Variants in ZNF358 observed in about 807,000 individuals in gnomAD.
The protein encoded by ZNF358 is zinc finger protein 358.
ZNF358 carries 1 observed loss-of-function variant against 2.1 expected under a neutral mutation model. That is an observed-to-expected ratio of 0.49 (90% CI 0.17 to 2.30). ZNF358 has a LOEUF of 2.30. ZNF358 is among the 30% of genes most tolerant of loss of function. The pLI is 0.26. For synonymous variants in ZNF358, 381 were observed against 359.7 expected (o/e 1.06, Z -0.67); for missense variants, 665 against 806.8 (o/e 0.82, Z 2.13).
chr19:7,519,193 T>G lies in ZNF358; in HGVS notation c.-38-12T>G. On this transcript the variant is annotated splice_polypyrimidine_tract_variant and intron_variant, in intron 1 of 1. Transcript: ENST00000597229. ...CCCACCTACCCTCTACCCTCTATCC[T>G]TGCCCTTGCAGGTCTTGCCCCAGAA... The G allele has an allele frequency of 2.5e-6, 4 of 1,584,874 alleles. No homozygotes were observed. Among genetic ancestry groups the G allele is most frequent in the Non-Finnish European group, 3.4e-6 (4 of 1,166,938 alleles).
At position 7,520,455 on chromosome 19, in the gene ZNF358, G is replaced by C; in HGVS notation, c.1213G>C (p.Ala405Pro). 1 of 1,498,896 alleles carries C rather than the reference G, an allele frequency of 6.7e-7. No homozygotes were observed. Among genetic ancestry groups the C allele is most frequent in the Non-Finnish European group, 8.9e-7 (1 of 1,123,292 alleles). The allele number at this position is 1,498,896 out of a possible 1,614,324, so 92.8% of individuals were successfully genotyped here. A position where few individuals can be genotyped will look rare whatever the true frequency, so the allele number is the denominator to read the frequency against. ...GCATGAGGGTGCAGCCGCTGCTGCA[G>C]CTGCCGCGGCCGCTGCAGCTGCAGC... ...RVHEGAAAAA[A>P]AAAAAAAAAA... The change falls in exon 2 of 2, where the codon GCT (alanine) becomes CCT (proline). Residue 405 changes from alanine (A) to proline (P), a missense_variant. This residue lies in a region of ZNF358 where 249 missense variants were observed against 227.6 expected (regional missense o/e 1.09). Transcript: ENST00000597229. The surrounding 1 kb of genome is among the most constrained non-coding windows in gnomAD (Gnocchi z 6.0).
chr19:7,514,076 G>A (rs1239710626), upstream of ZNF358: 1 of 152,188 alleles, frequency 6.6e-6, no homozygotes, highest in Non-Finnish European at 1.5e-5. Context: ...GTACATCTTG[G>A]TGCATATTGT....
At position 7,520,324 on chromosome 19, in the gene ZNF358, C is replaced by T; in HGVS notation, c.1082C>T (p.Ala361Val). 1 of 1,611,850 alleles carries T rather than the reference C, an allele frequency of 6.2e-7. No individual in the cohort carries two copies. Among genetic ancestry groups the T allele is most frequent in the South Asian group, 1.1e-5 (1 of 91,050 alleles). ...TCCAAGGCCTTCGGCCAGAGCTCAG[C>T]GCTGCTCCAGCACCTGCACGTGCAT... Reference protein sequence around the residue: ...HCSKAFGQSSALLQHLHVHSG... With the variant: ...HCSKAFGQSSVLLQHLHVHSG... Residue 361 changes from alanine to valine, a missense_variant, in exon 2 of 2, where the codon GCG (alanine) becomes GTG (valine). Ala to Val is a moderately conservative substitution (Grantham distance 64). Transcript: ENST00000597229. This position sits in a 1 kb window ranked among gnomAD's most constrained non-coding sequence, Gnocchi z 6.0.
Position 7,520,957 on chromosome 19 carries a change from G to A in ZNF358, c.*8G>A. On this transcript the variant is annotated 3_prime_UTR_variant, in exon 2 of 2. Transcript: ENST00000597229. The surrounding 1 kb of genome is among the most constrained non-coding windows in gnomAD (Gnocchi z 6.0). Reference sequence around the variant, plus strand: ...CTGGGGCCTGATGGCTGAAGGAGACGCCGGCATCCTCGGGGGCCTGGGGAA... The same window carrying A: ...CTGGGGCCTGATGGCTGAAGGAGACACCGGCATCCTCGGGGGCCTGGGGAA... The A allele has an allele frequency of 1.2e-6, 2 of 1,610,226 alleles. No individual in the cohort carries two copies. Among genetic ancestry groups the A allele is most frequent in the Non-Finnish European group, 1.7e-6 (2 of 1,177,474 alleles).
chr19:7,519,362 T>C lies in ZNF358; in HGVS notation c.120T>C (p.Ser40=). Residue 40 remains serine, a synonymous_variant, in exon 2 of 2, where the codon TCT becomes TCC. Transcript: ENST00000597229. The part of the protein sequence containing the change: ...DPNPEDLDPV[S]EDPEPDPEDL... ...ATCCTGAAGATCTGGACCCGGTTTC[T>C]GAAGACCCAGAGCCTGATCCTGAAG... is the stretch of plus-strand genomic sequence containing the variant. 6.2e-7 allele frequency: 1 copy of C among 1,613,490 alleles called. No homozygotes were observed. The highest frequency in any genetic ancestry group is 1.3e-5 in the African/African-American group (1 of 74,996).
Position 7,520,557 on chromosome 19 carries a change from G to T in ZNF358, c.1315G>T (p.Gly439Cys). ...GAGGCCGGGGCAGGTCTCCCTCCTG[G>T]GTCCTGATGCTGTTTCTGTGCTCGG... ...MMRPGQVSLL[G>C]PDAVSVLGSG... Residue 439 changes from glycine to cysteine, a missense_variant, in exon 2 of 2, where the codon GGT becomes TGT. Around this residue, in one of 3 missense-constraint regions of ZNF358, gnomAD observed 249 missense variants for 227.6 expected, o/e 1.09. Coordinates refer to ENST00000597229, the MANE Select transcript of ZNF358 (RefSeq NM_018083.5). This position sits in a 1 kb window ranked among gnomAD's most constrained non-coding sequence, Gnocchi z 6.0. 1 of 1,271,520 alleles carries T rather than the reference G, an allele frequency of 7.9e-7. No individual in the cohort carries two copies. Among genetic ancestry groups the T allele is most frequent in the South Asian group, 1.3e-5 (1 of 78,570 alleles). The allele number at this position is 1,271,520 out of a possible 1,614,324, so 78.8% of individuals were successfully genotyped here.
intron 1 of ZNF358, among the ~76,000 whole-genome samples, chr19:7,518,603 T>TAGAAAGAAAGAAAGAAAGAAAGAAA (rs2022394724): frequency 2.5e-5 from 1 of 39,554 alleles, no homozygotes. Flanking sequence ...AAGAAAGAAT[T>TAGAAAGAAAGAAAGAAAGAAAGAAA]GAAGTTAGCT....
intron 1 of ZNF358, among the ~76,000 whole-genome samples, chr19:7,518,856 G>A (rs2022399595): frequency 6.6e-6 from 1 of 152,086 alleles, no homozygotes; most frequent in Non-Finnish European, 1.5e-5. Flanking sequence ...CCTGAGGTCA[G>A]GAGTTTGAGA....
chr19:7,515,818 T>C (rs1207221326), upstream of ZNF358, among the ~76,000 whole-genome samples: 1 of 148,822 alleles, frequency 6.7e-6, no homozygotes, highest in Admixed American at 6.7e-5. Context: ...TGAACAGAGA[T>C]AGAGAGATAG....
In ZNF358 at chr19:7,519,737, G is replaced by C. The variant is rs1265926785; in HGVS notation, c.495G>C (p.Gly165=). ...DCGRAFRRSS[G]LSQHRRTHSG... ...GGCGAGCCTTCCGCCGCAGCTCCGGGCTGAGCCAGCATCGCCGCACGCACA... is the reference window on the plus strand; with the variant it reads ...GGCGAGCCTTCCGCCGCAGCTCCGGCCTGAGCCAGCATCGCCGCACGCACA... The change falls in exon 2 of 2, where the codon GGG becomes GGC. Residue 165 remains glycine (G), a synonymous_variant. Coordinates refer to ENST00000597229, the MANE Select transcript of ZNF358 (RefSeq NM_018083.5). 1.3e-6 allele frequency: 2 copies of C among 1,553,390 alleles called. No homozygotes were observed. The highest frequency in any genetic ancestry group is 2.3e-5 in the South Asian group (2 of 86,374).
rs781515814 is a variant in ZNF358, at chr19:7,519,671, C to T, written c.429C>T (p.Ala143=). 6.3e-7 allele frequency: 1 copy of T among 1,575,754 alleles called. No individual in the cohort carries two copies. The highest frequency in any genetic ancestry group is 8.6e-7 in the Non-Finnish European group (1 of 1,168,220). ...CCACCAGCCCCGCGGTGCTCCCCGC[C>T]CCCGCCAGCCCGCCCCGGCCCTTCT... ...VLATSPAVLP[A]PASPPRPFSC... is the part of the protein sequence containing the mutation. Residue 143 remains alanine, a synonymous_variant, in exon 2 of 2, where the codon GCC becomes GCT. Transcript: ENST00000597229.
In ZNF358 at chr19:7,519,898, G is replaced by A. The variant is rs1236334340; in HGVS notation, c.656G>A (p.Arg219His). 6.5e-7 allele frequency: 1 copy of A among 1,528,866 alleles called. No individual in the cohort carries two copies. Among genetic ancestry groups the A allele is most frequent in the Admixed American group, 2.0e-5 (1 of 50,504 alleles). The allele number at this position is 1,528,866 out of a possible 1,614,324, so 94.7% of individuals were successfully genotyped here. A position where few individuals can be genotyped will look rare whatever the true frequency, so the allele number is the denominator to read the frequency against. The change falls in exon 2 of 2, where the codon CGC becomes CAC. Residue 219 changes from arginine (R) to histidine (H), a missense_variant. Arg to His is a conservative substitution (Grantham distance 29, BLOSUM62 0). Coordinates refer to ENST00000597229, the MANE Select transcript of ZNF358 (RefSeq NM_018083.5). ...CAACGKAFGW[R>H]STLLKHRSSH... ...GCCTGCGGCAAGGCCTTCGGCTGGC[G>A]CTCCACGCTGCTGAAACATCGCAGC...
chr19:7,518,557 GAGAAAGAA>G lies in ZNF358; in HGVS notation c.-38-611_-38-604del, dbSNP rs3029872. On this transcript the variant is annotated intron_variant, in intron 1 of 1. Transcript: ENST00000597229. ...AAAGAAAGAAAGAAAGAGAGAGAGA[GAGAAAGAA>G]AGAAAGAAAGAAAGAAAGAAAGAAA... Among the ~76,000 whole-genome samples, 25 of 116,170 alleles carry G rather than the reference GAGAAAGAA, an allele frequency of 2.2e-4. 1 individual carries two copies. The highest frequency in any genetic ancestry group is 9.9e-4 in the Admixed American group (11 of 11,080). 76.2% of individuals were successfully genotyped at this position (116,170 alleles called of 152,430 possible). A position where few individuals can be genotyped will look rare whatever the true frequency, so the allele number is the denominator to read the frequency against.
chr19:7,514,987 C>T (rs956524574), upstream of ZNF358, among the ~76,000 whole-genome samples: 1 of 152,084 alleles, frequency 6.6e-6, no homozygotes, highest in Non-Finnish European at 1.5e-5. Flanking sequence ...AACCTGGGAG[C>T]GCTTTGCTGA....
chr19:7,519,751 G>T lies in ZNF358; in HGVS notation c.509G>T (p.Arg170Leu), dbSNP rs1017398447. ...CGCAGCTCCGGGCTGAGCCAGCATC[G>T]CCGCACGCACAGCGGCGAGAAGCCG... ...FRRSSGLSQH[R>L]RTHSGEKPYR... Residue 170 changes from arginine to leucine, a missense_variant, in exon 2 of 2, where the codon CGC (arginine) becomes CTC (leucine). Arg to Leu is a moderately radical substitution (Grantham distance 102, BLOSUM62 -2). Around this residue, in one of 3 missense-constraint regions of ZNF358, gnomAD observed 210 missense variants for 350.8 expected, o/e 0.60. Transcript: ENST00000597229. The T allele has an allele frequency of 6.5e-7, 1 of 1,536,224 alleles. No individual in the cohort carries two copies. Among genetic ancestry groups the T allele is most frequent in the Non-Finnish European group, 8.7e-7 (1 of 1,148,862 alleles).
chr19:7,515,947 C>T (rs1207716293), upstream of ZNF358, among the ~76,000 whole-genome samples: 2 of 151,806 alleles, frequency 1.3e-5, no homozygotes, highest in African/African-American at 4.8e-5. Flanking sequence ...TGCGTGCGGG[C>T]GGGGCACGGT....
chr19:7,515,784 G>C (rs549821875), upstream of ZNF358, among the ~76,000 whole-genome samples: 17 of 152,208 alleles, frequency 1.1e-4, no homozygotes, highest in South Asian at 2.7e-3. Flanking sequence ...ACAGAGATGG[G>C]AAGACAGGGA....
At chr19:7,515,038 G>A (rs1334886437), upstream of ZNF358, among the ~76,000 whole-genome samples, 1 of 152,156 alleles carries the variant, frequency 6.6e-6, no homozygotes, top group Non-Finnish European at 1.5e-5. Flanking sequence ...GTGGGAGGAT[G>A]GCAGTTGGGT....
upstream of ZNF358, among the ~76,000 whole-genome samples, chr19:7,515,697 T>C (rs950815627): frequency 2.0e-5 from 3 of 146,968 alleles, no homozygotes; most frequent in African/African-American, 7.6e-5. Context: ...CAGAGAGAGA[T>C]AGAGGCAGAG....
Sources: gnomAD v4.1 joint callset for allele counts (sites outside exome capture counted in the v4.1 genomes callset) on GRCh38, gnomAD v4.1.1 for gene constraint, gnomAD v4.1.1 regional missense constraint, Gnocchi (gnomAD v3.1) non-coding constraint, MANE v1.5 for transcripts, NCBI Gene and HGNC (gene_info 2026-07-23, HGNC 2026-07-21) for gene names.